NRXN3: variants seen among roughly 807,000 people sequenced by gnomAD.
The protein encoded by NRXN3 is neurexin 3.
A neutral mutation model predicts 137.6 loss-of-function variants in NRXN3; 32 were observed. That is an observed-to-expected ratio of 0.23 (90% CI 0.18 to 0.31). NRXN3 has a LOEUF of 0.31. Ranked by LOEUF, NRXN3 falls within the 10% of genes least tolerant of loss-of-function variation. The pLI is 1.00. For synonymous variants in NRXN3, 798 were observed against 784.5 expected, an observed-to-expected ratio of 1.02 and a Z score of -0.29; for missense variants, 1,574 against 2,062.5, an observed-to-expected ratio of 0.76 and a Z score of 4.59.
intron 4 of NRXN3, chr14:78,300,596 C>T (rs1567202298): frequency 9.9e-6 from 10 of 1,006,386 alleles, no homozygotes; most frequent in Non-Finnish European, 1.5e-5. Flanking sequence ...GTTTGACTCT[C>T]CTTGCTCTCT....
chr14:79,741,167 G>A (rs1247201496), intron 19 of NRXN3, among the ~76,000 whole-genome samples: 1 of 151,986 alleles, frequency 6.6e-6, no homozygotes, highest in Non-Finnish European at 1.5e-5. Context: ...GTGACCTGAG[G>A]CAAATCATTT....
At chr14:79,730,704 C>T (rs975145552) in intron 19 of NRXN3, among the ~76,000 whole-genome samples, 4 of 152,214 alleles carry the variant, frequency 2.6e-5, no homozygotes, top group Non-Finnish European at 4.4e-5. Context: ...ACTGTGCTCC[C>T]GAACGAGTTA....
At chr14:78,943,744 G>A (rs1174890645) in intron 10 of NRXN3, among the ~76,000 whole-genome samples, 8 of 142,322 alleles carry the variant, frequency 5.6e-5, no homozygotes, top group African/African-American at 2.0e-4. Context: ...GGACAAGGTG[G>A]CAGGGTCCTT....
intron 15 of NRXN3, among the ~76,000 whole-genome samples, chr14:79,078,591 A>C (rs1316196453): frequency 6.6e-6 from 1 of 152,204 alleles, no homozygotes; most frequent in Non-Finnish European, 1.5e-5. Flanking sequence ...AAGAGGTGGT[A>C]AAATAAGTTA....
In NRXN3 at chr14:78,741,715, CT is replaced by C. The variant is rs939018200; in HGVS notation, c.2044+26577del. Among the ~76,000 whole-genome samples, 77 of 152,270 alleles carry C rather than the reference CT, an allele frequency of 5.1e-4. 1 individual carries two copies. Among genetic ancestry groups the C allele is most frequent in the African/African-American group, 1.8e-3 (75 of 41,566 alleles). On this transcript the variant is annotated intron_variant, in intron 8 of 20. Coordinates refer to ENST00000335750, the MANE Select transcript of NRXN3 (RefSeq NM_001330195.2). ...CTCTCTTAGCATATTTCTAAGTATA[CT>C]GTACGGTATTGTTAACCAAAGGCCA...
chr14:79,531,066 A>G (rs971712931), intron 16 of NRXN3, among the ~76,000 whole-genome samples: 2 of 152,206 alleles, frequency 1.3e-5, no homozygotes, highest in Non-Finnish European at 2.9e-5. Flanking sequence ...TAGATAGATA[A>G]GAATTCAACC....
intron 20 of NRXN3, among the ~76,000 whole-genome samples, chr14:79,838,674 T>C (rs1002551339): frequency 6.6e-6 from 1 of 152,152 alleles, no homozygotes. Context: ...AAAGCTGCCT[T>C]ATAGTGCCTT....
intron 15 of NRXN3, among the ~76,000 whole-genome samples, chr14:79,253,213 T>C (rs2076158239): frequency 6.6e-6 from 1 of 152,232 alleles, no homozygotes; most frequent in Non-Finnish European, 1.5e-5. Context: ...CTTGTGTCTT[T>C]ACTGTTCTTC....
chr14:79,348,378 C>CTCTCTCTTTTTT (rs535595782), intron 15 of NRXN3, among the ~76,000 whole-genome samples: 8 of 135,962 alleles, frequency 5.9e-5, no homozygotes, highest in African/African-American at 2.0e-4. Context: ...AATCTTCTCT[C>CTCTCTCTTTTTT]TTTTTTTTTT....
intron 16 of NRXN3, among the ~76,000 whole-genome samples, chr14:79,473,099 C>G (rs1395954536): frequency 6.6e-6 from 1 of 151,936 alleles, no homozygotes; most frequent in Non-Finnish European, 1.5e-5. Context: ...TAACCTTCCC[C>G]AACTATTTCC....
At chr14:78,677,797 C>T (rs868318410) in intron 6 of NRXN3, among the ~76,000 whole-genome samples, 7 of 152,152 alleles carry the variant, frequency 4.6e-5, no homozygotes, top group Non-Finnish European at 5.9e-5. Flanking sequence ...GGAAATTGCA[C>T]AGCCACCCCA....
intron 14 of NRXN3, 92 bp downstream of exon 14, chr14:78,968,438 C>T (rs2099428184): frequency 1.7e-6 from 2 of 1,198,092 alleles, no homozygotes; most frequent in Middle Eastern, 2.5e-4. Context: ...CCTCAGTTGA[C>T]CAGTCCTGTC....
chr14:79,390,799 C>G (rs2094820140), intron 15 of NRXN3, among the ~76,000 whole-genome samples: 1 of 152,140 alleles, frequency 6.6e-6, no homozygotes, highest in South Asian at 2.1e-4. Context: ...ATATTGGAGA[C>G]TTAATCCTCA....
chr14:79,773,023 A>G (rs1603481668), intron 19 of NRXN3, among the ~76,000 whole-genome samples: 1 of 152,000 alleles, frequency 6.6e-6, no homozygotes, highest in South Asian at 2.1e-4. Context: ...AAACACATGA[A>G]AAAATGCTCA....
chr14:79,154,527 T>C (rs887607933), intron 15 of NRXN3, among the ~76,000 whole-genome samples: 1 of 151,900 alleles, frequency 6.6e-6, no homozygotes, highest in Admixed American at 6.6e-5. Flanking sequence ...TCAAGCCCCA[T>C]CATTCCCTGT....
At chr14:79,573,580 C>T (rs1031726267) in intron 16 of NRXN3, among the ~76,000 whole-genome samples, 11 of 152,132 alleles carry the variant, frequency 7.2e-5, no homozygotes, top group African/African-American at 2.4e-4. Flanking sequence ...ACCATGCACT[C>T]TCAGTGGTTG....
chr14:78,544,014 T>C (rs1259668660), intron 4 of NRXN3, among the ~76,000 whole-genome samples: 1 of 152,218 alleles, frequency 6.6e-6, no homozygotes, highest in Non-Finnish European at 1.5e-5. Context: ...GTATTTACTG[T>C]TCCCATTTCC....
At chr14:79,440,217 G>C (rs937033062) in intron 15 of NRXN3, among the ~76,000 whole-genome samples, 1 of 152,218 alleles carries the variant, frequency 6.6e-6, no homozygotes, top group Admixed American at 6.5e-5. Context: ...ATGGTTAAGA[G>C]CCTTTGGATT....
chr14:79,845,928 T>G (rs1349626009), intron 20 of NRXN3, among the ~76,000 whole-genome samples: 33 of 134,030 alleles, frequency 2.5e-4, no homozygotes, highest in African/African-American at 2.8e-4. Flanking sequence ...CAGAGAGAGA[T>G]GGAGACAGAC....
Sources: gnomAD v4.1 joint callset for allele counts (sites outside exome capture counted in the v4.1 genomes callset) on GRCh38, gnomAD v4.1.1 for gene constraint, MANE v1.5 for transcripts, NCBI Gene and HGNC (gene_info 2026-07-23, HGNC 2026-07-21) for gene names.